The following CACNA1H variants were observed in gnomAD, a reference collection of about 807,000 sequenced individuals.
The protein encoded by CACNA1H is voltage-dependent T-type calcium channel subunit alpha-1H.
Under a neutral mutation model 192.5 loss-of-function variants are expected in CACNA1H, and 149 were observed. The ratio of observed to expected loss-of-function variants is 0.77; its 90% CI spans 0.68 to 0.89. The LOEUF (loss-of-function observed/expected upper bound fraction) is 0.89, where lower values mean the gene tolerates loss of function less well. CACNA1H is among the 40% of genes least tolerant of loss of function. The pLI is 0.00. For missense variants in CACNA1H, 4,257 were observed against 3,423.5 expected (o/e 1.24, Z -6.08); for synonymous variants, 2,202 against 1,475.2 (o/e 1.49, Z -11.29).
chr16:1,153,677 G>A, intron 1 of CACNA1H, 43 bp from the exon 2 acceptor site: 1 of 1,137,988 alleles, frequency 8.8e-7, no homozygotes, highest in Non-Finnish European at 1.1e-6. Context: ...AGGCAGGGCG[G>A]GGGCGTCGCC....
At position 1,153,926 on chromosome 16, in the gene CACNA1H, T is replaced by A; in HGVS notation, c.189T>A (p.Gly63=). 1 of 1,456,418 alleles carries A rather than the reference T, an allele frequency of 6.9e-7. No individual in the cohort carries two copies. The highest frequency in any genetic ancestry group is 9.0e-7 in the Non-Finnish European group (1 of 1,105,410). The allele number at this position is 1,456,418 out of a possible 1,614,324, so 90.2% of individuals were successfully genotyped here. ...SPAAERGAEL[G]ADEEQRVPYP... is the part of the protein sequence containing the mutation. ...CGGCCGAGCGCGGCGCGGAGCTGGG[T>A]GCCGACGAGGAGCAGCGCGTCCCGT... Residue 63 remains glycine (G), a synonymous_variant, in exon 2 of 35, where the codon GGT becomes GGA. Transcript: ENST00000348261.
chr16:1,185,327 G>C (rs1965877894), intron 2 of CACNA1H, among the ~76,000 whole-genome samples: 1 of 152,192 alleles, frequency 6.6e-6, no homozygotes, highest in South Asian at 2.1e-4. Flanking sequence ...GGGCCCGTCT[G>C]TCGTGAGTGC....
At chr16:1,184,751 C>A (rs1035926714) in intron 2 of CACNA1H, among the ~76,000 whole-genome samples, 1 of 152,232 alleles carries the variant, frequency 6.6e-6, no homozygotes, top group Non-Finnish European at 1.5e-5. Flanking sequence ...TGCCGGGTCT[C>A]AATTCCTGGT....
intron 2 of CACNA1H, among the ~76,000 whole-genome samples, chr16:1,177,344 C>T (rs111536314): frequency 3.9e-5 from 6 of 152,210 alleles, no homozygotes; most frequent in South Asian, 2.1e-4. Context: ...CCGGCACCCT[C>T]GGAGACAGCC....
rs757864757 is a variant in CACNA1H at position 1,213,293 on chromosome 16, T to TGCCCA, written c.4778-482_4778-478dup. On this transcript the variant is annotated intron_variant, in intron 26 of 34. Coordinates refer to ENST00000348261, the MANE Select transcript of CACNA1H (RefSeq NM_021098.3). ...ACCCAGAGATGGAGTGGGGCTGCCC[T>TGCCCA]GCCCAGCCCTTCATCAGTGTCTCAG... Among the ~76,000 whole-genome samples the TGCCCA allele has an allele frequency of 7.9e-5, 12 of 152,286 alleles. No individual in the cohort carries two copies. The East Asian group carries it at 1.2e-3, about 15-fold the overall frequency.
chr16:1,218,746 C>T (rs983274946), intron 33 of CACNA1H, 95 bp downstream of exon 33: 14 of 1,296,368 alleles, frequency 1.1e-5, no homozygotes, highest in Non-Finnish European at 1.4e-5. Flanking sequence ...CAGGCCAGAG[C>T]AGGGCAAGAG....
intron 2 of CACNA1H, among the ~76,000 whole-genome samples, chr16:1,175,261 G>A (rs111799486): frequency 1.4e-3 from 217 of 152,312 alleles, no homozygotes; most frequent in Non-Finnish European, 2.7e-3. Flanking sequence ...GTGTGTGTAG[G>A]TGTGCCTACC....
chr16:1,193,384 C>A (rs1016802656), intron 2 of CACNA1H, among the ~76,000 whole-genome samples: 2 of 152,242 alleles, frequency 1.3e-5, no homozygotes, highest in Non-Finnish European at 2.9e-5. Flanking sequence ...ACGGCTTCCA[C>A]AGCAGGGCCT....
intron 34 of CACNA1H, 87 bp downstream of exon 34, chr16:1,219,217 C>G (rs529163293): frequency 1.5e-6 from 2 of 1,316,036 alleles, no homozygotes; most frequent in Admixed American, 2.7e-5. Flanking sequence ...GACCAGCAGA[C>G]GAGGACAAGG....
In CACNA1H at chr16:1,153,229, TCCACGCCGCGC is replaced by T. The variant is rs1330023012; in HGVS notation, c.-258_-248del. ...GGCCTCACCCGTCCGCTCAGCGGCC[TCCACGCCGCGC>T]CGAGGCCGCCGCCGTCGCCTCCGCC... is the stretch of plus-strand genomic sequence containing the variant. On this transcript the variant is annotated 5_prime_UTR_variant, in exon 1 of 35. Coordinates refer to ENST00000348261, the MANE Select transcript of CACNA1H (RefSeq NM_021098.3). The T allele has an allele frequency of 6.9e-6, 1 of 143,964 alleles. No individual in the cohort carries two copies. Among genetic ancestry groups the T allele is most frequent in the Non-Finnish European group, 1.5e-5 (1 of 64,964 alleles). 8.9% of individuals were successfully genotyped at this position (143,964 alleles called of 1,614,324 possible). A position where few individuals can be genotyped will look rare whatever the true frequency, so the allele number is the denominator to read the frequency against.
chr16:1,210,418 C>G lies in CACNA1H; in HGVS notation c.3894C>G (p.His1298Gln), dbSNP rs779815222. The change falls in exon 19 of 35, where the codon CAC (histidine) becomes CAG (glutamine). Residue 1298 changes from histidine (H) to glutamine (Q), a missense_variant. Transcript: ENST00000348261. ...TCATCACACACAAGATGTTTGATCA[C>G]GTGGTCCTCGTCTTCATCTTCCTCA... The part of the protein sequence containing the change: ...QKVITHKMFD[H>Q]VVLVFIFLNC... The G allele has an allele frequency of 6.8e-7, 1 of 1,473,218 alleles. No individual in the cohort carries two copies. The highest frequency in any genetic ancestry group is 9.2e-7 in the Non-Finnish European group (1 of 1,091,224). 91.3% of individuals were successfully genotyped at this position (1,473,218 alleles called of 1,614,324 possible).
chr16:1,220,927 C>A lies in CACNA1H; in HGVS notation c.6995C>A (p.Pro2332His), dbSNP rs759417643. 2 of 1,610,120 alleles carry A rather than the reference C, an allele frequency of 1.2e-6. No individual in the cohort carries two copies. Among genetic ancestry groups the A allele is most frequent in the African/African-American group, 2.7e-5 (2 of 74,830 alleles). The change falls in exon 35 of 35, where the codon CCT becomes CAT. Residue 2332 changes from proline to histidine, a missense_variant. By Grantham distance (77) the Pro-to-His change is moderately conservative. Coordinates refer to ENST00000348261, the MANE Select transcript of CACNA1H (RefSeq NM_021098.3). ...RGLYLTVPQC[P>H]LEKPGSPSAT... ...CTGTACCTCACAGTCCCCCAGTGTC[C>A]TCTGGAGAAACCAGGGTCCCCCTCA...
rs1968898672 is a variant in CACNA1H, at chr16:1,207,636, C to T, written c.3064-134C>T. 6 of 940,168 alleles carry T rather than the reference C, an allele frequency of 6.4e-6. No homozygotes were observed. The Admixed American group carries it at 1.1e-4, about 17-fold the overall frequency. The allele number at this position is 940,168 out of a possible 1,614,324, so 58.2% of individuals were successfully genotyped here. On this transcript the variant is annotated intron_variant, in intron 14 of 34. Coordinates refer to ENST00000348261, the MANE Select transcript of CACNA1H (RefSeq NM_021098.3). ...GGCAGATTCCTCACCTACCTGCCCA[C>T]CCTGGCAGTGACATCATCCTCTGGG...
chr16:1,189,596 A>G (rs112003994), intron 2 of CACNA1H, among the ~76,000 whole-genome samples: 4 of 151,268 alleles, frequency 2.6e-5, no homozygotes, highest in African/African-American at 9.7e-5. Context: ...TATTTGTTAA[A>G]TATTTTGTAG....
At chr16:1,208,917 C>A in intron 16 of CACNA1H, 115 bp from the exon 17 acceptor site, 1 of 1,130,168 alleles carries the variant, frequency 8.8e-7, no homozygotes, top group Non-Finnish European at 1.2e-6. Context: ...GCCTCCCTGG[C>A]GGGGCTATGC....
rs778412507 is a variant in CACNA1H at position 1,207,295 on chromosome 16, G to A, written c.2928G>A (p.Trp976Ter). 1 of 1,610,066 alleles carries A rather than the reference G, an allele frequency of 6.2e-7. No homozygotes were observed. Among genetic ancestry groups the A allele is most frequent in the Admixed American group, 1.7e-5 (1 of 59,548 alleles). ...TVFQILTQED[W>*]NVVLYNGMAS... ...CCCAGATCCTGACCCAGGAGGACTG[G>A]AACGTGGTCCTGTACAACGGCATGG... The change falls in exon 14 of 35, where the codon TGG (tryptophan) becomes TGA (stop). Residue 976 changes from tryptophan to a stop codon, truncating the protein, a stop_gained. Transcript: ENST00000348261. LOFTEE classifies it high-confidence loss of function.
At chr16:1,161,225 G>C (rs1389139917) in intron 2 of CACNA1H, among the ~76,000 whole-genome samples, 1 of 152,236 alleles carries the variant, frequency 6.6e-6, no homozygotes, top group Admixed American at 6.5e-5. Context: ...TGGGAGCGAA[G>C]CTGTTCCTTT....
At position 1,209,328 on chromosome 16, in the gene CACNA1H, G is replaced by T; in HGVS notation, c.3660G>T (p.Gln1220His). The change falls in exon 17 of 35, where the codon CAG becomes CAT. Residue 1220 changes from glutamine to histidine, a missense_variant. Transcript: ENST00000348261. ...PPTKCRDRDG[Q>H]VVALPSDFFL... Reference sequence around the variant, plus strand: ...CCAAGTGCCGCGATCGCGACGGGCAGGTGGTGGCCCTGCCCAGCGACTTCT... The same window carrying T: ...CCAAGTGCCGCGATCGCGACGGGCATGTGGTGGCCCTGCCCAGCGACTTCT... The T allele has an allele frequency of 1.3e-6, 2 of 1,598,034 alleles. No individual in the cohort carries two copies. The highest frequency in any genetic ancestry group is 1.7e-6 in the Non-Finnish European group (2 of 1,179,396).
chr16:1,219,872 G>T (rs941375650), intron 34 of CACNA1H, 109 bp from the exon 35 acceptor site: 1 of 825,808 alleles, frequency 1.2e-6, no homozygotes, highest in Non-Finnish European at 1.7e-6. Flanking sequence ...CAGGGGACCT[G>T]CCCAGTTTGG....
Sources: allele counts gnomAD v4.1 joint callset (sites outside exome capture counted in the v4.1 genomes callset), GRCh38; gene constraint gnomAD v4.1.1; transcripts MANE v1.5; gene names NCBI Gene and HGNC (gene_info 2026-07-23, HGNC 2026-07-21).